NRXN3: variants seen among roughly 807,000 people sequenced by gnomAD.
The protein encoded by NRXN3 is neurexin 3.
A neutral mutation model predicts 137.6 loss-of-function variants in NRXN3; 32 were observed. The ratio of observed to expected loss-of-function variants is 0.23; its 90% CI spans 0.18 to 0.31. The LOEUF is 0.31. NRXN3 is among the 10% of genes least tolerant of loss of function. The pLI is 1.00. For missense variants in NRXN3, 1,574 were observed against 2,062.5 expected, an observed-to-expected ratio of 0.76 and a Z score of 4.59; for synonymous variants, 798 against 784.5, an observed-to-expected ratio of 1.02 and a Z score of -0.29.
chr14:79,327,881 G>A (rs2091130327), intron 15 of NRXN3, among the ~76,000 whole-genome samples: 2 of 152,180 alleles, frequency 1.3e-5, no homozygotes, highest in South Asian at 4.1e-4. Context: ...GTACAGATAA[G>A]AAAAGCCTTT....
At chr14:79,780,355 C>T (rs1409723125) in intron 19 of NRXN3, among the ~76,000 whole-genome samples, 2 of 151,852 alleles carry the variant, frequency 1.3e-5, no homozygotes, top group African/African-American at 2.4e-5. Flanking sequence ...AATCCCAGCA[C>T]TTTGAGAGGC....
intron 1 of NRXN3, among the ~76,000 whole-genome samples, chr14:78,212,686 A>G (rs937720004): frequency 3.3e-5 from 5 of 152,262 alleles, no homozygotes; most frequent in Middle Eastern, 3.4e-3. Flanking sequence ...TTACTATCTG[A>G]TCAGCATTTT....
At chr14:79,820,556 G>T (rs1178518779) in intron 20 of NRXN3, among the ~76,000 whole-genome samples, 1 of 152,104 alleles carries the variant, frequency 6.6e-6, no homozygotes, top group Non-Finnish European at 1.5e-5. Context: ...GTGAAGGTTT[G>T]TTACCTATGT....
chr14:78,690,309 G>A (rs2098160521), intron 6 of NRXN3, among the ~76,000 whole-genome samples: 1 of 152,144 alleles, frequency 6.6e-6, no homozygotes, highest in African/African-American at 2.4e-5. Flanking sequence ...ATTGAAGGAG[G>A]GAGACATAGG....
chr14:79,775,167 C>G (rs958082015), intron 19 of NRXN3, among the ~76,000 whole-genome samples: 1 of 152,034 alleles, frequency 6.6e-6, no homozygotes, highest in African/African-American at 2.4e-5. Flanking sequence ...ATGTCACAAC[C>G]AGCTACATTT....
chr14:79,661,104 G>T (rs759678709), intron 16 of NRXN3, among the ~76,000 whole-genome samples: 5 of 152,036 alleles, frequency 3.3e-5, no homozygotes, highest in Non-Finnish European at 7.4e-5. Context: ...AGTACAAAAA[G>T]AACCCATAAT....
At chr14:79,702,717 T>TACCA (rs1317023381) in intron 19 of NRXN3, among the ~76,000 whole-genome samples, 1 of 152,036 alleles carries the variant, frequency 6.6e-6, no homozygotes, top group African/African-American at 2.4e-5. Context: ...TGTACCTTAC[T>TACCA]ACCAGGAATG....
At chr14:79,278,627 G>T (rs754895756) in intron 15 of NRXN3, among the ~76,000 whole-genome samples, 5 of 152,150 alleles carry the variant, frequency 3.3e-5, no homozygotes, top group Non-Finnish European at 7.4e-5. Flanking sequence ...GAAGTTTTTT[G>T]ATCAGGACTA....
At position 79,508,390 on chromosome 14, in the gene NRXN3, ATTT is replaced by A. The variant is rs528502246; in HGVS notation, c.3444+41002_3444+41004del. On this transcript the variant is annotated intron_variant, in intron 16 of 20. Transcript: ENST00000335750. ...AATTTTCTTTATAAAACAATAACTGATTTTTTTTTTTTTTTTAAGACAGAGTCT... is the reference window on the plus strand; with the variant it reads ...AATTTTCTTTATAAAACAATAACTGATTTTTTTTTTTTTAAGACAGAGTCT... Among the ~76,000 whole-genome samples, 31 of 48,228 alleles carry A rather than the reference ATTT, an allele frequency of 6.4e-4. 2 individuals are homozygous for A. The highest frequency in any genetic ancestry group is 2.0e-3 in the African/African-American group (28 of 13,738). 31.6% of individuals were successfully genotyped at this position (48,228 alleles called of 152,430 possible).
At chr14:78,662,335 T>C (rs1348198503) in intron 6 of NRXN3, among the ~76,000 whole-genome samples, 2 of 151,994 alleles carry the variant, frequency 1.3e-5, no homozygotes, top group Admixed American at 6.6e-5. Flanking sequence ...AAAGTGAAGA[T>C]GCCTGTGCCC....
chr14:78,382,166 A>C (rs1376265784), intron 4 of NRXN3, among the ~76,000 whole-genome samples: 1 of 152,212 alleles, frequency 6.6e-6, no homozygotes, highest in Admixed American at 6.5e-5. Context: ...AAAAGTAATA[A>C]AAAACTGTCA....
At chr14:79,762,503 A>T (rs1022362931) in intron 19 of NRXN3, among the ~76,000 whole-genome samples, 1 of 151,508 alleles carries the variant, frequency 6.6e-6, no homozygotes, top group Admixed American at 6.6e-5. Flanking sequence ...TTTTTTCTTA[A>T]AAGGTAAAAT....
intron 4 of NRXN3, among the ~76,000 whole-genome samples, chr14:78,469,804 A>G (rs921860844): frequency 6.6e-6 from 1 of 152,080 alleles, no homozygotes; most frequent in Non-Finnish European, 1.5e-5. Context: ...AACTTCCACC[A>G]TTTCCTTTGA....
intron 4 of NRXN3, among the ~76,000 whole-genome samples, chr14:78,569,875 G>GGGCTTGCA (rs1438385011): frequency 6.6e-6 from 1 of 152,232 alleles, no homozygotes; most frequent in African/African-American, 2.4e-5. Context: ...CTCCTGAGTA[G>GGGCTTGCA]CTGCGACTAC....
chr14:79,139,416 G>A (rs892860108), intron 15 of NRXN3, among the ~76,000 whole-genome samples: 29 of 152,136 alleles, frequency 1.9e-4, no homozygotes, highest in Admixed American at 1.3e-4. Flanking sequence ...AAGGAAGTCA[G>A]TCCTAGTAAA....
intron 4 of NRXN3, among the ~76,000 whole-genome samples, chr14:78,374,512 C>A (rs1257785235): frequency 6.6e-6 from 1 of 152,122 alleles, no homozygotes; most frequent in Non-Finnish European, 1.5e-5. Flanking sequence ...GTGGATCACA[C>A]CTGTAATCCC....
At chr14:79,274,471 G>A (rs1022208466) in intron 15 of NRXN3, among the ~76,000 whole-genome samples, 18 of 152,006 alleles carry the variant, frequency 1.2e-4, no homozygotes, top group African/African-American at 4.4e-4. Flanking sequence ...GATTTCCATG[G>A]TGCTGAGGAT....
At chr14:78,407,456 G>A (rs905740553) in intron 4 of NRXN3, among the ~76,000 whole-genome samples, 1 of 152,136 alleles carries the variant, frequency 6.6e-6, no homozygotes, top group Non-Finnish European at 1.5e-5. Context: ...GAAACCTGGG[G>A]TTATGCTTTG....
intron 15 of NRXN3, among the ~76,000 whole-genome samples, chr14:79,041,470 G>A (rs8007813): frequency 0.51 from 77,788 of 152,056 alleles, 22,710 homozygotes; most frequent in East Asian, 0.78. Context: ...AATTTTGTTC[G>A]TAAAGTGCTG....
Sources: allele counts gnomAD v4.1 joint callset (sites outside exome capture counted in the v4.1 genomes callset), GRCh38; gene constraint gnomAD v4.1.1; transcripts MANE v1.5; gene names NCBI Gene and HGNC (gene_info 2026-07-23, HGNC 2026-07-21).